The following SERPINI2 variants were observed in gnomAD, a reference collection of about 807,000 sequenced individuals.
SERPINI2 encodes serpin I2.
A neutral mutation model predicts 47.3 loss-of-function variants in SERPINI2; 48 were observed. The ratio of observed to expected loss-of-function variants is 1.02; its 90% CI spans 0.81 to 1.29. The LOEUF is 1.29. SERPINI2 is among the 50% of genes most tolerant of loss of function. The pLI is 0.00. For synonymous variants in SERPINI2, 135 were observed against 149.3 expected (o/e 0.90, Z 0.70); for missense variants, 448 against 456.9 (o/e 0.98, Z 0.18).
chr3:167,447,456 A>G (rs1247843318), intron 7 of SERPINI2, among the ~76,000 whole-genome samples: 1 of 152,220 alleles, frequency 6.6e-6, no homozygotes, highest in East Asian at 1.9e-4. Flanking sequence ...TCTGAAAGTC[A>G]AAATACCCAG....
chr3:167,467,178 C>T (rs370385642), exon 3 of SERPINI2: 1 of 1,613,308 alleles, frequency 6.2e-7, no homozygotes. Flanking sequence ...TGTTCTTTCA[C>T]AGTGAATCCT....
intron 5 of SERPINI2, among the ~76,000 whole-genome samples, chr3:167,459,344 G>A (rs1749916075): frequency 6.6e-6 from 1 of 152,122 alleles, no homozygotes; most frequent in Non-Finnish European, 1.5e-5. Context: ...AAAGTGCTGG[G>A]ACTACAGGCG....
rs1749687777 is a variant in SERPINI2, at chr3:167,453,080, A to G, written c.867-47T>C. ...AAAGAAAAGTCTTGAAACACTGCACATTTTTGCTACCAATTTTTTAATGGA... is the reference window on the plus strand; with the variant it reads ...AAAGAAAAGTCTTGAAACACTGCACGTTTTTGCTACCAATTTTTTAATGGA... On this transcript the variant is annotated intron_variant, in intron 5 of 8. Transcript: ENST00000264677. The G allele has an allele frequency of 3.7e-6, 4 of 1,068,132 alleles. No individual in the cohort carries two copies. In the East Asian group the frequency reaches 1.0e-4, roughly 27 times the overall value. The allele number at this position is 1,068,132 out of a possible 1,614,324, so 66.2% of individuals were successfully genotyped here.
chr3:167,454,968 G>A (rs1362489819), intron 5 of SERPINI2, among the ~76,000 whole-genome samples: 4 of 152,170 alleles, frequency 2.6e-5, no homozygotes, highest in Non-Finnish European at 5.9e-5. Context: ...AGGTTCCAGA[G>A]GTATGATTTA....
At chr3:167,463,892 G>GT (rs1750055489) in intron 5 of SERPINI2, among the ~76,000 whole-genome samples, 1 of 151,818 alleles carries the variant, frequency 6.6e-6, no homozygotes, top group South Asian at 2.1e-4. Flanking sequence ...GTTCTCTAGA[G>GT]TAAGGAAGGA....
At chr3:167,456,926 A>G (rs1324225779) in intron 5 of SERPINI2, among the ~76,000 whole-genome samples, 4 of 152,246 alleles carry the variant, frequency 2.6e-5, no homozygotes, top group Non-Finnish European at 1.5e-5. Flanking sequence ...CACAACACTA[A>G]GAGGCATGTG....
At chr3:167,444,883 C>T (rs1340755598) in intron 8 of SERPINI2, among the ~76,000 whole-genome samples, 2 of 152,128 alleles carry the variant, frequency 1.3e-5, no homozygotes, top group Non-Finnish European at 2.9e-5. Flanking sequence ...AACAAGTCAT[C>T]AACCTGGAAA....
chr3:167,444,268 G>T (rs1749407718), intron 8 of SERPINI2, among the ~76,000 whole-genome samples: 1 of 151,992 alleles, frequency 6.6e-6, no homozygotes, highest in Non-Finnish European at 1.5e-5. Context: ...ACCTTAAAAA[G>T]GTGCTTTATT....
Position 167,465,460 on chromosome 3 carries a change from C to T in SERPINI2, c.673+19G>A. ...CAATTCTCAAGACTATGCTTAGGAA[C>T]TGTGGTTTCTCACATTACCATATTT... On this transcript the variant is annotated intron_variant, in intron 4 of 8. Coordinates refer to ENST00000264677, the Ensembl canonical transcript of SERPINI2. 6.2e-7 allele frequency: 1 copy of T among 1,610,666 alleles called. No individual in the cohort carries two copies. Among genetic ancestry groups the T allele is most frequent in the Non-Finnish European group, 8.5e-7 (1 of 1,179,118 alleles).
intron 5 of SERPINI2, among the ~76,000 whole-genome samples, chr3:167,459,680 GGTT>G (rs1392573259): frequency 6.6e-5 from 5 of 75,746 alleles, no homozygotes; most frequent in East Asian, 6.3e-4. Context: ...TCTTATGGGT[GGTT>G]TTTTTTTTTT....
exon 2 of SERPINI2, chr3:167,471,697 T>C: frequency 2.5e-6 from 4 of 1,613,586 alleles, no homozygotes; most frequent in Non-Finnish European, 2.5e-6. Flanking sequence ...GGGGTGAAAA[T>C]ATAATGTTGT....
chr3:167,448,290 T>C (rs1749535793), intron 7 of SERPINI2, among the ~76,000 whole-genome samples: 1 of 152,242 alleles, frequency 6.6e-6, no homozygotes, highest in Non-Finnish European at 1.5e-5. Flanking sequence ...GTCTAGGGTT[T>C]GGATCTGAGA....
At chr3:167,443,388 T>A (rs953362605) in intron 8 of SERPINI2, among the ~76,000 whole-genome samples, 1 of 152,184 alleles carries the variant, frequency 6.6e-6, no homozygotes, top group Non-Finnish European at 1.5e-5. Flanking sequence ...ATTACAGGCG[T>A]GAGCCACCGC....
At chr3:167,470,337 T>A (rs1750268623) in intron 2 of SERPINI2, among the ~76,000 whole-genome samples, 1 of 152,068 alleles carries the variant, frequency 6.6e-6, no homozygotes. Flanking sequence ...ATGAAGCAAA[T>A]AAAATCTTGT....
upstream of SERPINI2, among the ~76,000 whole-genome samples, chr3:167,475,367 C>T (rs1213345045): frequency 6.6e-6 from 1 of 151,776 alleles, no homozygotes; most frequent in African/African-American, 2.4e-5. Context: ...ACATATATCA[C>T]CAGTACCCTT....
upstream of SERPINI2, among the ~76,000 whole-genome samples, chr3:167,474,764 A>G (rs1379949472): frequency 6.6e-6 from 1 of 151,730 alleles, no homozygotes; most frequent in Non-Finnish European, 1.5e-5. Flanking sequence ...AAAAAATTGC[A>G]TAATTTAATG....
At chr3:167,476,221 A>G (rs6789149), upstream of SERPINI2, among the ~76,000 whole-genome samples, 20,374 of 151,816 alleles carry the variant, frequency 0.13, 1,600 homozygotes, top group African/African-American at 0.23. Flanking sequence ...GAAACAGTTT[A>G]TAATGCCTTC....
chr3:167,448,287 GT>G (rs1258998712), intron 7 of SERPINI2, among the ~76,000 whole-genome samples: 8 of 152,178 alleles, frequency 5.3e-5, no homozygotes, highest in Non-Finnish European at 1.2e-4. Flanking sequence ...TCGGTCTAGG[GT>G]TTGGATCTGA....
chr3:167,467,299 T>G lies in SERPINI2; in HGVS notation c.248-14A>C. On this transcript the variant is annotated splice_polypyrimidine_tract_variant and intron_variant, in intron 2 of 8. Coordinates refer to ENST00000264677, the Ensembl canonical transcript of SERPINI2. ...AAAATTCTTCCCCTAGAAAATAATT[T>G]TAATGTATATTGGCATATTGAACAA... is the stretch of plus-strand genomic sequence containing the variant. 2 of 1,550,558 alleles carry G rather than the reference T, an allele frequency of 1.3e-6. No homozygotes were observed. Among genetic ancestry groups the G allele is most frequent in the Non-Finnish European group, 1.8e-6 (2 of 1,128,404 alleles).
Sources: gnomAD v4.1 joint callset for allele counts (sites outside exome capture counted in the v4.1 genomes callset) on GRCh38, gnomAD v4.1.1 for gene constraint, MANE v1.5 for transcripts, NCBI Gene and HGNC (gene_info 2026-07-23, HGNC 2026-07-21) for gene names.